The following AFAP1L2 variants were observed in gnomAD, a reference collection of about 807,000 sequenced individuals.
The protein encoded by AFAP1L2 is actin filament associated protein 1 like 2.
AFAP1L2 carries 46 observed loss-of-function variants against 99.3 expected under a neutral mutation model. The observed-to-expected ratio is 0.46, with a 90% CI of 0.37 to 0.59. The LOEUF (loss-of-function observed/expected upper bound fraction) is 0.59. AFAP1L2 is among the 20% of genes least tolerant of loss of function. The probability of loss-of-function intolerance (pLI) is 0.00; values close to 1 mark genes in which losing one functional copy is unlikely to be tolerated. For missense variants in AFAP1L2, 959 were observed against 1,034.9 expected (o/e 0.93, Z 1.01); for synonymous variants, 397 against 419.1 (o/e 0.95, Z 0.64).
At chr10:114,326,315 G>GC (rs1339749304) in intron 4 of AFAP1L2, among the ~76,000 whole-genome samples, 1 of 152,176 alleles carries the variant, frequency 6.6e-6, no homozygotes, top group Non-Finnish European at 1.5e-5. Flanking sequence ...CTGTTTAAAG[G>GC]CATTTTACTC....
At chr10:114,327,173 A>ATATTTT (rs1491191152) in intron 4 of AFAP1L2, among the ~76,000 whole-genome samples, 1 of 18,700 alleles carries the variant, frequency 5.3e-5, no homozygotes, top group Non-Finnish European at 1.6e-4. Context: ...ATATATATAT[A>ATATTTT]TTTTTTTTTT....
intron 1 of AFAP1L2, among the ~76,000 whole-genome samples, chr10:114,365,386 A>C (rs1303129481): frequency 6.6e-6 from 1 of 152,216 alleles, no homozygotes; most frequent in East Asian, 1.9e-4. Flanking sequence ...ACTCCCAGTC[A>C]TTAGGCGGCC....
intron 2 of AFAP1L2, among the ~76,000 whole-genome samples, chr10:114,338,921 C>T (rs1395151508): frequency 6.6e-6 from 1 of 152,172 alleles, no homozygotes; most frequent in African/African-American, 2.4e-5. Context: ...ATCATGGACT[C>T]GGGGTTCTGT....
intron 1 of AFAP1L2, among the ~76,000 whole-genome samples, chr10:114,383,082 A>T (rs1042270537): frequency 6.6e-6 from 1 of 152,104 alleles, no homozygotes; most frequent in Non-Finnish European, 1.5e-5. Flanking sequence ...ATGAAAGAGG[A>T]AAAAAAAGAT....
At chr10:114,313,070 C>T (rs563548477) in intron 7 of AFAP1L2, among the ~76,000 whole-genome samples, 4 of 137,172 alleles carry the variant, frequency 2.9e-5, no homozygotes, top group South Asian at 2.4e-4. Context: ...GGGTGGGGTG[C>T]GGGGTGGATA....
intron 1 of AFAP1L2, among the ~76,000 whole-genome samples, chr10:114,364,307 G>T (rs1254819516): frequency 6.6e-6 from 1 of 152,190 alleles, no homozygotes; most frequent in Non-Finnish European, 1.5e-5. Context: ...CAGATTAAAT[G>T]GCTTAAAACA....
At chr10:114,379,276 A>G (rs968498732) in intron 1 of AFAP1L2, among the ~76,000 whole-genome samples, 4 of 151,718 alleles carry the variant, frequency 2.6e-5, no homozygotes, top group South Asian at 2.1e-4. Flanking sequence ...TGGATCAGAG[A>G]GCCCCAGACC....
At chr10:114,337,037 C>T (rs754420990) in intron 2 of AFAP1L2, among the ~76,000 whole-genome samples, 2 of 152,234 alleles carry the variant, frequency 1.3e-5, no homozygotes, top group Non-Finnish European at 2.9e-5. Context: ...CTACAAGTCT[C>T]AACAGGCTGA....
chr10:114,382,089 C>T (rs1450666689), intron 1 of AFAP1L2, among the ~76,000 whole-genome samples: 4 of 152,150 alleles, frequency 2.6e-5, no homozygotes, highest in Non-Finnish European at 5.9e-5. Context: ...ACACAGCCTC[C>T]CCAGAAAGCA....
At position 114,314,069 on chromosome 10, in the gene AFAP1L2, G is replaced by A. The variant is rs1218191557; in HGVS notation, c.613-19C>T. On this transcript the variant is annotated intron_variant, in intron 6 of 18. Coordinates refer to ENST00000304129, the MANE Select transcript of AFAP1L2 (RefSeq NM_001001936.3). ...TGTAGCACTGGAAGGAAAGAGAGAA[G>A]ATACACCACTTTGCCAGGGGTGCCG... The A allele has an allele frequency of 6.3e-7, 1 of 1,599,732 alleles. No individual in the cohort carries two copies. Among genetic ancestry groups the A allele is most frequent in the East Asian group, 2.2e-5 (1 of 44,512 alleles).
rs369500918 is a variant in AFAP1L2, at chr10:114,327,147, T to TTATATATA, written c.316-3894_316-3887dup. Among the ~76,000 whole-genome samples the TTATATATA allele has an allele frequency of 9.7e-4, 53 of 54,538 alleles. 6 individuals carry two copies. Among genetic ancestry groups the TTATATATA allele is most frequent in the Non-Finnish European group, 1.7e-3 (35 of 20,558 alleles). The allele number at this position is 54,538 out of a possible 152,430, so 35.8% of individuals were successfully genotyped here. On this transcript the variant is annotated intron_variant, in intron 4 of 18. Transcript: ENST00000304129. ...TGAAGACCGTGAATTTTATATATAT[T>TTATATATA]TATATATATATATATATATATATAT...
At chr10:114,392,072 T>G (rs978171322) in intron 1 of AFAP1L2, among the ~76,000 whole-genome samples, 3 of 152,038 alleles carry the variant, frequency 2.0e-5, no homozygotes, top group Non-Finnish European at 4.4e-5. Flanking sequence ...TGTATTGAAG[T>G]CTCAGAGAAA....
At chr10:114,357,182 G>A (rs1564968323) in intron 1 of AFAP1L2, among the ~76,000 whole-genome samples, 1 of 152,100 alleles carries the variant, frequency 6.6e-6, no homozygotes, top group Non-Finnish European at 1.5e-5. Flanking sequence ...TTTGCATTTG[G>A]CTCTTTAATC....
At chr10:114,337,893 C>T (rs2135806148) in intron 2 of AFAP1L2, among the ~76,000 whole-genome samples, 1 of 152,284 alleles carries the variant, frequency 6.6e-6, no homozygotes, top group South Asian at 2.1e-4. Context: ...AATCATCCCC[C>T]TCCAACCTTC....
chr10:114,334,996 C>A (rs1480893980), intron 2 of AFAP1L2, among the ~76,000 whole-genome samples: 1 of 152,204 alleles, frequency 6.6e-6, no homozygotes, highest in African/African-American at 2.4e-5. Context: ...GTAAGGTAAC[C>A]TTACAACTAA....
intron 1 of AFAP1L2, chr10:114,362,978 T>A: frequency 1.0e-6 from 1 of 985,360 alleles, no homozygotes; most frequent in Non-Finnish European, 1.2e-6. Flanking sequence ...GCCGGGGAAT[T>A]CCCTGGTGGC....
intron 1 of AFAP1L2, among the ~76,000 whole-genome samples, chr10:114,360,038 G>A (rs7076341): frequency 0.097 from 14,794 of 152,210 alleles, 1,866 homozygotes; most frequent in African/African-American, 0.29. Context: ...GGGTGCCCAG[G>A]CATTTGGTCG....
the AFAP1L2 span, among the ~76,000 whole-genome samples, chr10:114,284,693 A>T: frequency 6.6e-6 from 1 of 151,830 alleles, no homozygotes; most frequent in Non-Finnish European, 1.5e-5. Context: ...TCCTTTATGA[A>T]CTCCACAGTG....
intron 11 of AFAP1L2, 63 bp downstream of exon 11, chr10:114,304,656 G>A (rs947446120): frequency 1.1e-4 from 152 of 1,423,182 alleles, no homozygotes; most frequent in Non-Finnish European, 1.4e-4. Flanking sequence ...CTGGAGACTG[G>A]CAGCAAACAG....
Sources: gnomAD v4.1 joint callset for allele counts (sites outside exome capture counted in the v4.1 genomes callset) on GRCh38, gnomAD v4.1.1 for gene constraint, MANE v1.5 for transcripts, NCBI Gene and HGNC (gene_info 2026-07-23, HGNC 2026-07-21) for gene names.